The following ZNF407 variants were observed in gnomAD, a reference collection of about 807,000 sequenced individuals.
ZNF407 encodes zinc finger protein 407.
In ZNF407, 17 loss-of-function variants were observed where a neutral mutation model predicts 131.2. The observed-to-expected ratio is 0.13, with a 90% CI of 0.09 to 0.19. ZNF407 has a LOEUF of 0.19. ZNF407 is among the 10% of genes least tolerant of loss of function. ZNF407 has a pLI of 1.00. For missense variants in ZNF407, 2,681 were observed against 2,830.6 expected (o/e 0.95, Z 1.20); for synonymous variants, 1,156 against 1,062.0 (o/e 1.09, Z -1.72).
intron 3 of ZNF407, among the ~76,000 whole-genome samples, chr18:74,666,189 G>A (rs561877225): frequency 9.2e-5 from 14 of 152,274 alleles, no homozygotes; most frequent in East Asian, 1.9e-4. Flanking sequence ...TGTGTGCCCC[G>A]TTTTCAGACT....
intron 7 of ZNF407, among the ~76,000 whole-genome samples, chr18:74,912,729 A>G (rs1971691407): frequency 6.6e-6 from 1 of 152,198 alleles, no homozygotes; most frequent in South Asian, 2.1e-4. Flanking sequence ...AGAACAACAG[A>G]GCAAAATTAT....
At chr18:74,654,111 C>T (rs577941141) in intron 3 of ZNF407, among the ~76,000 whole-genome samples, 1 of 151,712 alleles carries the variant, frequency 6.6e-6, no homozygotes, top group Non-Finnish European at 1.5e-5. Flanking sequence ...CTGATCATTT[C>T]TACTAAAAAA....
chr18:74,994,734 G>A (rs1367839017), intron 8 of ZNF407, among the ~76,000 whole-genome samples: 1 of 152,190 alleles, frequency 6.6e-6, no homozygotes, highest in Non-Finnish European at 1.5e-5. Context: ...GACGGCAGCG[G>A]CACTCAGGAC....
At chr18:75,015,238 A>G (rs957991667) in intron 8 of ZNF407, among the ~76,000 whole-genome samples, 1 of 151,940 alleles carries the variant, frequency 6.6e-6, no homozygotes, top group South Asian at 2.1e-4. Flanking sequence ...AATAAATTGG[A>G]CCCAACAGTT....
chr18:74,891,655 A>G (rs2145197731), intron 7 of ZNF407, among the ~76,000 whole-genome samples: 1 of 152,336 alleles, frequency 6.6e-6, no homozygotes, highest in Non-Finnish European at 1.5e-5. Flanking sequence ...AATTAGAGGT[A>G]GACATAGAAA....
chr18:74,649,317 A>G (rs912297622), intron 3 of ZNF407, among the ~76,000 whole-genome samples: 4 of 152,224 alleles, frequency 2.6e-5, no homozygotes, highest in African/African-American at 9.6e-5. Context: ...AAATTCTTAT[A>G]AAATCTGGCT....
At chr18:74,622,403 AG>A (rs1455828283) in intron 1 of ZNF407, among the ~76,000 whole-genome samples, 1 of 152,214 alleles carries the variant, frequency 6.6e-6, no homozygotes, top group African/African-American at 2.4e-5. Flanking sequence ...TGCAGCTCGC[AG>A]GGGGCTTGTG....
chr18:74,667,587 T>G (rs1985981391), intron 3 of ZNF407, among the ~76,000 whole-genome samples: 1 of 152,186 alleles, frequency 6.6e-6, no homozygotes, highest in South Asian at 2.1e-4. Flanking sequence ...TATCTCTAGA[T>G]TAGAAGAATG....
chr18:74,916,484 G>A (rs2145234154), intron 7 of ZNF407, among the ~76,000 whole-genome samples: 1 of 133,120 alleles, frequency 7.5e-6, no homozygotes, highest in East Asian at 2.4e-4. Context: ...AATTGGGAGT[G>A]TGTGTGTGTG....
At position 74,953,747 on chromosome 18, in the gene ZNF407, G is replaced by A. The variant is rs926027705; in HGVS notation, c.5428+33055G>A. Reference sequence around the variant, plus strand: ...CTTCTCCTGACAATATGACCACAGCGTATACCACTACCTTTTACCAGCTGG... The same window carrying A: ...CTTCTCCTGACAATATGACCACAGCATATACCACTACCTTTTACCAGCTGG... On this transcript the variant is annotated intron_variant, in intron 8 of 8. Transcript: ENST00000299687. Among the ~76,000 whole-genome samples, 11 of 152,318 alleles carry A rather than the reference G, an allele frequency of 7.2e-5. No homozygotes were observed. In the South Asian group the frequency reaches 8.3e-4, roughly 12 times the overall value.
intron 3 of ZNF407, among the ~76,000 whole-genome samples, chr18:74,708,655 C>T (rs1310706555): frequency 1.3e-5 from 2 of 152,182 alleles, no homozygotes; most frequent in Non-Finnish European, 2.9e-5. Context: ...TCTGGGGGAG[C>T]AGCCTGGTGT....
chr18:74,708,273 G>T (rs757468951), intron 3 of ZNF407, among the ~76,000 whole-genome samples: 5 of 152,146 alleles, frequency 3.3e-5, no homozygotes, highest in Non-Finnish European at 5.9e-5. Context: ...GAAATATAAT[G>T]ACTTAGGCTT....
chr18:74,975,404 C>T (rs1165084748), intron 8 of ZNF407, among the ~76,000 whole-genome samples: 1 of 151,960 alleles, frequency 6.6e-6, no homozygotes, highest in South Asian at 2.1e-4. Context: ...GTAGCCAAGT[C>T]GGTTTGAAAA....
intron 3 of ZNF407, among the ~76,000 whole-genome samples, chr18:74,742,242 A>G (rs1968566103): frequency 6.6e-6 from 1 of 152,148 alleles, no homozygotes; most frequent in Non-Finnish European, 1.5e-5. Flanking sequence ...TACATAAGGG[A>G]GTCTTGTCTT....
chr18:74,892,530 A>G (rs1971399670), intron 7 of ZNF407, among the ~76,000 whole-genome samples: 1 of 152,160 alleles, frequency 6.6e-6, no homozygotes, highest in Non-Finnish European at 1.5e-5. Flanking sequence ...GTTTCCCCTC[A>G]ACTTTCCATC....
chr18:74,786,474 CT>C (rs1000389778), intron 4 of ZNF407, among the ~76,000 whole-genome samples: 9 of 148,102 alleles, frequency 6.1e-5, no homozygotes, highest in South Asian at 4.3e-4. Flanking sequence ...TTTTCTTTTT[CT>C]TTTTTTTTTC....
At chr18:74,805,352 CT>C (rs2145078518) in intron 4 of ZNF407, among the ~76,000 whole-genome samples, 1 of 152,260 alleles carries the variant, frequency 6.6e-6, no homozygotes, top group East Asian at 1.9e-4. Context: ...TGCGGAAAAT[CT>C]TTCTGCTTTC....
intron 3 of ZNF407, among the ~76,000 whole-genome samples, chr18:74,750,598 G>T (rs191174443): frequency 6.6e-6 from 1 of 152,198 alleles, no homozygotes; most frequent in Admixed American, 6.5e-5. Context: ...GCACCGTTTG[G>T]TATTCACCCG....
intron 3 of ZNF407, among the ~76,000 whole-genome samples, chr18:74,645,588 G>A (rs1022648204): frequency 2.6e-5 from 4 of 151,430 alleles, no homozygotes; most frequent in Non-Finnish European, 5.9e-5. Context: ...TTTATTCCTA[G>A]TTGGTTTAAG....
Sources: gnomAD v4.1 joint callset for allele counts (sites outside exome capture counted in the v4.1 genomes callset) on GRCh38, gnomAD v4.1.1 for gene constraint, MANE v1.5 for transcripts, NCBI Gene and HGNC (gene_info 2026-07-23, HGNC 2026-07-21) for gene names.